The following TECPR2 variants were observed in gnomAD, a reference collection of about 807,000 sequenced individuals.
The protein encoded by TECPR2 is tectonin beta-propeller repeat-containing protein 2.
TECPR2 carries 65 observed loss-of-function variants against 138.1 expected under a neutral mutation model. That is an observed-to-expected ratio of 0.47 (90% CI 0.39 to 0.58). The LOEUF is 0.58. Ranked by LOEUF, TECPR2 falls within the 20% of genes least tolerant of loss-of-function variation. The probability of loss-of-function intolerance (pLI) is 0.00; values close to 1 mark genes in which losing one functional copy is unlikely to be tolerated. For synonymous variants in TECPR2, 746 were observed against 749.8 expected, an observed-to-expected ratio of 0.99 and a Z score of 0.08; for missense variants, 1,553 against 1,824.5, an observed-to-expected ratio of 0.85 and a Z score of 2.71.
intron 10 of TECPR2, among the ~76,000 whole-genome samples, chr14:102,439,209 G>T (rs138762259): frequency 6.6e-6 from 1 of 151,960 alleles, no homozygotes; most frequent in Non-Finnish European, 1.5e-5. Context: ...CGGCACCTAC[G>T]CCAGTGGGGA....
At chr14:102,408,886 A>G (rs1479831143) in intron 4 of TECPR2, among the ~76,000 whole-genome samples, 1 of 152,100 alleles carries the variant, frequency 6.6e-6, no homozygotes, top group Non-Finnish European at 1.5e-5. Flanking sequence ...TATCATTCCT[A>G]CTTCCTTGAA....
intron 1 of TECPR2, among the ~76,000 whole-genome samples, chr14:102,370,490 C>T (rs1887473467): frequency 6.6e-6 from 1 of 152,100 alleles, no homozygotes; most frequent in African/African-American, 2.4e-5. Context: ...AAGTGCCTGC[C>T]AGAGATAGGG....
Position 102,456,006 on chromosome 14 carries a change from G to A in TECPR2, c.3640+3379G>A, listed in dbSNP as rs370191923. ...TGACCTCAAATGATCCACCTGCCTT[G>A]TCCTCCCAACGTGCTGGGATTACAA... is the stretch of plus-strand genomic sequence containing the variant. On this transcript the variant is annotated intron_variant, in intron 16 of 19. Coordinates refer to ENST00000359520, the MANE Select transcript of TECPR2 (RefSeq NM_014844.5). Among the ~76,000 whole-genome samples the A allele has an allele frequency of 2.0e-4, 30 of 152,154 alleles. No individual in the cohort carries two copies. In the South Asian group the frequency reaches 5.8e-3, roughly 29 times the overall value.
At chr14:102,493,471 C>T (rs1485012870) in intron 17 of TECPR2, among the ~76,000 whole-genome samples, 1 of 152,226 alleles carries the variant, frequency 6.6e-6, no homozygotes, top group Non-Finnish European at 1.5e-5. Context: ...TAGCCTAGAA[C>T]AGCGCTTCCC....
intron 17 of TECPR2, among the ~76,000 whole-genome samples, chr14:102,475,646 A>G (rs1023354197): frequency 6.6e-6 from 1 of 152,206 alleles, no homozygotes; most frequent in African/African-American, 2.4e-5. Flanking sequence ...ATCTTAGAAC[A>G]AAGCTCAAGA....
At chr14:102,363,440 G>A (rs888284091) in intron 1 of TECPR2, among the ~76,000 whole-genome samples, 56 of 152,138 alleles carry the variant, frequency 3.7e-4, no homozygotes, top group Non-Finnish European at 1.0e-4. Context: ...CATCCCGGCT[G>A]CCGGTCTGGC....
At chr14:102,408,406 T>A in intron 3 of TECPR2, 82 bp from the exon 4 acceptor site, 2 of 1,462,330 alleles carry the variant, frequency 1.4e-6, no homozygotes, top group Non-Finnish European at 1.8e-6. Context: ...CTAGGAGTGA[T>A]TGTATACCTT....
At chr14:102,490,802 G>C (rs1386587851) in intron 17 of TECPR2, among the ~76,000 whole-genome samples, 1 of 152,212 alleles carries the variant, frequency 6.6e-6, no homozygotes, top group Non-Finnish European at 1.5e-5. Context: ...CGGGGTTCTT[G>C]TTCTACCTGC....
chr14:102,478,805 C>T (rs1157094735), intron 17 of TECPR2, among the ~76,000 whole-genome samples: 1 of 152,018 alleles, frequency 6.6e-6, no homozygotes, highest in African/African-American at 2.4e-5. Flanking sequence ...CACCTGAGCT[C>T]AGGAGTTCAG....
intron 1 of TECPR2, among the ~76,000 whole-genome samples, chr14:102,373,965 C>T (rs1015007272): frequency 6.6e-6 from 1 of 151,258 alleles, no homozygotes; most frequent in African/African-American, 2.4e-5. Context: ...CCTGTAGTCC[C>T]ACCTACTCGG....
rs1890095786 is a variant in TECPR2 at position 102,449,837 on chromosome 14, A to G, written c.3284A>G (p.Asn1095Ser). Residue 1095 changes from asparagine to serine, a missense_variant, in exon 14 of 20, where the codon AAT becomes AGT. Transcript: ENST00000359520. The part of the protein sequence containing the change: ...NSGVWISSGK[N>S]EFHVAKGSLI... ...GGTGTCTGGATCTCCTCGGGCAAGA[A>G]TGAATTCCACGTCGCTAAGGGAAGT... is the stretch of plus-strand genomic sequence containing the variant. 6.2e-7 allele frequency: 1 copy of G among 1,613,966 alleles called. No individual in the cohort carries two copies. The highest frequency in any genetic ancestry group is 1.7e-5 in the Admixed American group (1 of 60,006).
At chr14:102,437,314 A>G (rs1029899177) in intron 9 of TECPR2, among the ~76,000 whole-genome samples, 3 of 152,256 alleles carry the variant, frequency 2.0e-5, no homozygotes, top group Non-Finnish European at 4.4e-5. Context: ...TGGGAGGCCA[A>G]GGTGGGCGAA....
chr14:102,455,641 C>T (rs1314868211), intron 16 of TECPR2, among the ~76,000 whole-genome samples: 3 of 152,064 alleles, frequency 2.0e-5, no homozygotes, highest in Non-Finnish European at 4.4e-5. Flanking sequence ...GACGGAGTTT[C>T]GCTCTGTCGC....
At chr14:102,374,327 C>T (rs1887589428) in intron 1 of TECPR2, among the ~76,000 whole-genome samples, 1 of 152,162 alleles carries the variant, frequency 6.6e-6, no homozygotes, top group African/African-American at 2.4e-5. Flanking sequence ...CTTTGTTCTT[C>T]TGTTCTTGTC....
Position 102,415,914 on chromosome 14 carries a change from C to T in TECPR2, c.638+1121C>T, listed in dbSNP as rs1210089194. 6.6e-6 allele frequency among the ~76,000 whole-genome samples: 1 copy of T among 152,080 alleles called. No homozygotes were observed. Among genetic ancestry groups the T allele is most frequent in the East Asian group, 1.9e-4 (1 of 5,192 alleles). On this transcript the variant is annotated intron_variant, in intron 5 of 19. Coordinates refer to ENST00000359520, the MANE Select transcript of TECPR2 (RefSeq NM_014844.5). This position sits in a 1 kb window ranked among gnomAD's most constrained non-coding sequence, Gnocchi z 4.3. The stretch of plus-strand genomic sequence containing the variant: ...GATGAGGCCCTGCGGCTGGTGGTGC[C>T]GTTGGGGACAGGCCGTCCTGGAGAG...
chr14:102,488,444 ATTC>A (rs1195695067), intron 17 of TECPR2, among the ~76,000 whole-genome samples: 1 of 151,252 alleles, frequency 6.6e-6, no homozygotes, highest in African/African-American at 2.4e-5. Flanking sequence ...GGTTCAAGCA[ATTC>A]TTCTGCCTCA....
chr14:102,484,159 T>C (rs1890967223), intron 17 of TECPR2, among the ~76,000 whole-genome samples: 1 of 152,068 alleles, frequency 6.6e-6, no homozygotes, highest in African/African-American at 2.4e-5. Context: ...TTCTCTCCTG[T>C]TTCTGTCTTT....
chr14:102,396,878 C>T (rs537218909), intron 2 of TECPR2, among the ~76,000 whole-genome samples: 1 of 152,174 alleles, frequency 6.6e-6, no homozygotes, highest in African/African-American at 2.4e-5. Context: ...TGCTTCTGAT[C>T]GTAGAGGTGC....
intron 2 of TECPR2, among the ~76,000 whole-genome samples, chr14:102,401,297 G>A (rs572594776): frequency 6.6e-6 from 1 of 151,708 alleles, no homozygotes; most frequent in East Asian, 2.0e-4. Flanking sequence ...ACATTAGCTG[G>A]GTGTAGTGGT....
Sources: gnomAD v4.1 joint callset for allele counts (sites outside exome capture counted in the v4.1 genomes callset) on GRCh38, gnomAD v4.1.1 for gene constraint, Gnocchi (gnomAD v3.1) non-coding constraint, MANE v1.5 for transcripts, NCBI Gene and HGNC (gene_info 2026-07-23, HGNC 2026-07-21) for gene names.